The following WDR7 variants were observed in gnomAD, a reference collection of about 807,000 sequenced individuals.
WDR7 encodes the protein WD repeat-containing protein 7.
Under a neutral mutation model 169.4 loss-of-function variants are expected in WDR7, and 46 were observed. The observed-to-expected ratio is 0.27, with a 90% CI of 0.21 to 0.35. WDR7 has a LOEUF of 0.35. Ranked by LOEUF, WDR7 falls within the 10% of genes least tolerant of loss-of-function variation. The pLI is 1.00. For missense variants in WDR7, 1,534 were observed against 1,859.3 expected, an observed-to-expected ratio of 0.83 and a Z score of 3.22; for synonymous variants, 612 against 666.8, an observed-to-expected ratio of 0.92 and a Z score of 1.27.
intron 12 of WDR7, among the ~76,000 whole-genome samples, chr18:56,712,474 AC>A (rs2026107736): frequency 6.6e-6 from 1 of 152,220 alleles, no homozygotes; most frequent in South Asian, 2.1e-4. Flanking sequence ...CTAAGAATAT[AC>A]TTGTTTTGGG....
At position 56,708,620 on chromosome 18, in the gene WDR7, A is replaced by T. The variant is rs77784148; in HGVS notation, c.1579-9344A>T. ...TGTGTGGAGAGTGGAAAGGGGCAACACTTTGAGTTCCTTAACAAACTTTAG... is the reference window on the plus strand; with the variant it reads ...TGTGTGGAGAGTGGAAAGGGGCAACTCTTTGAGTTCCTTAACAAACTTTAG... On this transcript the variant is annotated intron_variant, in intron 12 of 27. Coordinates refer to ENST00000254442, the MANE Select transcript of WDR7 (RefSeq NM_015285.3). Among the ~76,000 whole-genome samples, 411 of 152,160 alleles carry T rather than the reference A, an allele frequency of 2.7e-3. 4 individuals carry two copies. The East Asian group carries it at 0.036, about 13-fold the overall frequency.
At chr18:57,025,415 A>G (rs1406008462) in intron 27 of WDR7, among the ~76,000 whole-genome samples, 1 of 152,210 alleles carries the variant, frequency 6.6e-6, no homozygotes, top group Non-Finnish European at 1.5e-5. Flanking sequence ...CAAGAAAGCA[A>G]TAAGGCATTG....
chr18:56,874,408 C>T (rs2045995335), intron 20 of WDR7, among the ~76,000 whole-genome samples: 1 of 151,980 alleles, frequency 6.6e-6, no homozygotes, highest in Admixed American at 6.6e-5. Context: ...GACATTTCCT[C>T]TCTGTCTTTA....
chr18:57,035,002 A>G, the WDR7 span: 31,107 of 152,066 alleles, frequency 0.2, 3,702 homozygotes, highest in Non-Finnish European at 0.27. Flanking sequence ...CACTTGAACA[A>G]TCTTGAACCC....
chr18:56,678,872 C>T (rs188696364), intron 2 of WDR7, among the ~76,000 whole-genome samples: 3 of 152,268 alleles, frequency 2.0e-5, no homozygotes, highest in Non-Finnish European at 2.9e-5. Flanking sequence ...CTCTGGATTA[C>T]CAGGCAGAGA....
At chr18:56,875,523 A>G (rs1397888862) in intron 20 of WDR7, among the ~76,000 whole-genome samples, 2 of 152,118 alleles carry the variant, frequency 1.3e-5, no homozygotes, top group East Asian at 3.8e-4. Flanking sequence ...CATATGACCT[A>G]CAGAATCATA....
intron 25 of WDR7, among the ~76,000 whole-genome samples, chr18:56,953,843 A>G (rs1483117862): frequency 1.3e-5 from 2 of 152,232 alleles, no homozygotes; most frequent in Admixed American, 6.5e-5. Flanking sequence ...ATTTTTATAT[A>G]TAAGAATGAC....
At chr18:56,865,507 C>T (rs1053081703) in intron 20 of WDR7, among the ~76,000 whole-genome samples, 1 of 152,086 alleles carries the variant, frequency 6.6e-6, no homozygotes, top group East Asian at 1.9e-4. Flanking sequence ...TTCTGAGGTG[C>T]AGTATGTGAC....
At position 57,028,374 on chromosome 18, in the gene WDR7, T is replaced by C. The variant is rs1016195932; in HGVS notation, c.*1167T>C. On this transcript the variant is annotated 3_prime_UTR_variant, in exon 28 of 28. Transcript: ENST00000254442. ...CTAAGTAAGCTTTAACTAGACCACT[T>C]TCTTCTTATGTCAGATTGTGCTGGT... is the stretch of plus-strand genomic sequence containing the variant. 4 of 152,206 alleles carry C rather than the reference T, an allele frequency of 2.6e-5. No homozygotes were observed. Among genetic ancestry groups the C allele is most frequent in the African/African-American group, 9.6e-5 (4 of 41,576 alleles). 9.4% of individuals were successfully genotyped at this position (152,206 alleles called of 1,614,324 possible).
At chr18:56,666,848 A>T (rs1036835528) in intron 1 of WDR7, among the ~76,000 whole-genome samples, 47 of 151,258 alleles carry the variant, frequency 3.1e-4, no homozygotes, top group African/African-American at 1.1e-3. Flanking sequence ...AATCCCCTGG[A>T]TGGTAACCAG....
At chr18:56,758,340 C>A (rs898002311) in intron 15 of WDR7, among the ~76,000 whole-genome samples, 1 of 152,064 alleles carries the variant, frequency 6.6e-6, no homozygotes, top group South Asian at 2.1e-4. Context: ...CTTTTATTAT[C>A]CCTTTTATTA....
chr18:56,861,155 C>T (rs2045799396), intron 20 of WDR7, among the ~76,000 whole-genome samples: 1 of 152,084 alleles, frequency 6.6e-6, no homozygotes, highest in African/African-American at 2.4e-5. Context: ...GATGGTTGCA[C>T]TTTGATAAAT....
chr18:56,697,337 C>T (rs1346569234), intron 12 of WDR7, among the ~76,000 whole-genome samples: 2 of 152,216 alleles, frequency 1.3e-5, no homozygotes. Context: ...CTTCTGCTTA[C>T]TTGCTTAATC....
intron 20 of WDR7, among the ~76,000 whole-genome samples, chr18:56,864,444 T>C (rs886610243): frequency 2.6e-5 from 4 of 151,678 alleles, no homozygotes; most frequent in Non-Finnish European, 5.9e-5. Flanking sequence ...TGAAGAACAA[T>C]TTAATGTCTT....
At chr18:56,735,353 G>A (rs1218455659) in intron 14 of WDR7, among the ~76,000 whole-genome samples, 1 of 152,186 alleles carries the variant, frequency 6.6e-6, no homozygotes, top group Non-Finnish European at 1.5e-5. Flanking sequence ...ACAGGCCATG[G>A]AATAGGCTTT....
chr18:56,683,254 A>G (rs946855258), intron 5 of WDR7, among the ~76,000 whole-genome samples: 1 of 152,170 alleles, frequency 6.6e-6, no homozygotes, highest in Non-Finnish European at 1.5e-5. Context: ...GGGGACAGTG[A>G]AAAAGGAGAG....
intron 21 of WDR7, among the ~76,000 whole-genome samples, chr18:56,889,993 A>T (rs1459743582): frequency 1.3e-5 from 2 of 152,148 alleles, no homozygotes; most frequent in Non-Finnish European, 2.9e-5. Flanking sequence ...ATTACATGGA[A>T]AAAGCCACAT....
At chr18:56,682,988 T>G in intron 5 of WDR7, 135 bp downstream of exon 5, 1 of 950,282 alleles carries the variant, frequency 1.1e-6, no homozygotes, top group African/African-American at 1.7e-5. Context: ...ACCAATAATT[T>G]ATGGTCTGTT....
intron 21 of WDR7, among the ~76,000 whole-genome samples, chr18:56,892,523 AT>A (rs201256546): frequency 6.0e-4 from 90 of 149,386 alleles, no homozygotes; most frequent in African/African-American, 2.0e-3. Flanking sequence ...CCCCATTCCC[AT>A]TTTTTTTTGC....
Sources: gnomAD v4.1 joint callset for allele counts (sites outside exome capture counted in the v4.1 genomes callset) on GRCh38, gnomAD v4.1.1 for gene constraint, MANE v1.5 for transcripts, NCBI Gene and HGNC (gene_info 2026-07-23, HGNC 2026-07-21) for gene names.